NFIA: variants seen among roughly 807,000 people sequenced by gnomAD.
The protein encoded by NFIA is nuclear factor I A.
A neutral mutation model predicts 62.8 loss-of-function variants in NFIA; 8 were observed. The ratio of observed to expected loss-of-function variants is 0.13; its 90% CI spans 0.07 to 0.23. The LOEUF (loss-of-function observed/expected upper bound fraction) is 0.23. NFIA is among the 10% of genes least tolerant of loss of function. The pLI is 1.00. For missense variants in NFIA, 410 were observed against 642.1 expected (o/e 0.64, Z 3.91); for synonymous variants, 235 against 238.1 (o/e 0.99, Z 0.12).
At chr1:61,304,712 C>T (rs747024016) in intron 3 of NFIA, among the ~76,000 whole-genome samples, 4 of 151,964 alleles carry the variant, frequency 2.6e-5, no homozygotes, top group African/African-American at 9.7e-5. Flanking sequence ...CCCCTGGTCC[C>T]CCAAAATTTT....
chr1:61,096,544 G>GTTTTTTTT (rs1570141914), intron 2 of NFIA, among the ~76,000 whole-genome samples: 12 of 121,904 alleles, frequency 9.8e-5, no homozygotes, highest in African/African-American at 3.4e-4. Context: ...GTCAAGATTA[G>GTTTTTTTT]TTCTTTTTTT....
At chr1:61,410,010 C>G (rs1209562704) in intron 9 of NFIA, among the ~76,000 whole-genome samples, 1 of 152,136 alleles carries the variant, frequency 6.6e-6, no homozygotes, top group African/African-American at 2.4e-5. Flanking sequence ...ATTCAGCCTG[C>G]ACCTATCAGG....
intron 10 of NFIA, among the ~76,000 whole-genome samples, chr1:61,441,292 GGTGTGTGTGTGTGTGTGTGT>G (rs763246425): frequency 2.9e-5 from 4 of 139,466 alleles, no homozygotes; most frequent in Admixed American, 1.4e-4. Flanking sequence ...GCCGTGCAGG[GGTGTGTGTGTGTGTGTGTGT>G]GTGTGTGTGT....
chr1:61,455,386 C>T lies in NFIA; in HGVS notation c.*66C>T, dbSNP rs188788064. 7.1e-5 allele frequency: 114 copies of T among 1,613,680 alleles called. No individual in the cohort carries two copies. The highest frequency in any genetic ancestry group is 4.9e-4 in the Middle Eastern group (3 of 6,062). On this transcript the variant is annotated 3_prime_UTR_variant, in exon 11 of 11. Coordinates refer to ENST00000403491, the MANE Select transcript of NFIA (RefSeq NM_001134673.4). ...CCCCTTCTCAACTCTGTAACATGGACGCAACCTCAACCCAGCGCAGTTACA... is the reference window on the plus strand; with the variant it reads ...CCCCTTCTCAACTCTGTAACATGGATGCAACCTCAACCCAGCGCAGTTACA...
intron 2 of NFIA, among the ~76,000 whole-genome samples, chr1:61,089,847 A>G (rs1277205527): frequency 6.6e-6 from 1 of 152,112 alleles, no homozygotes; most frequent in Non-Finnish European, 1.5e-5. Flanking sequence ...TATATGTTTT[A>G]GAAAGAGAAC....
At chr1:61,283,162 A>G (rs549174799) in intron 3 of NFIA, among the ~76,000 whole-genome samples, 2 of 152,362 alleles carry the variant, frequency 1.3e-5, no homozygotes, top group East Asian at 1.9e-4. Context: ...TAGGTGAACA[A>G]GGAATGTACT....
chr1:61,159,592 G>A (rs1649039312), intron 2 of NFIA, among the ~76,000 whole-genome samples: 1 of 151,172 alleles, frequency 6.6e-6, no homozygotes, highest in Admixed American at 6.6e-5. Flanking sequence ...CTGCATCTCA[G>A]TTTCCTAATC....
chr1:61,420,063 T>G (rs1457745433), intron 9 of NFIA, among the ~76,000 whole-genome samples: 2 of 152,200 alleles, frequency 1.3e-5, no homozygotes, highest in African/African-American at 4.8e-5. Context: ...TTCCATCATG[T>G]GGGGGTTTCT....
intron 9 of NFIA, among the ~76,000 whole-genome samples, chr1:61,416,662 A>C (rs925099448): frequency 1.3e-5 from 2 of 152,182 alleles, no homozygotes. Flanking sequence ...TTTTAAATGA[A>C]AAGAAAAAGA....
intron 2 of NFIA, among the ~76,000 whole-genome samples, chr1:61,260,903 C>G (rs755053640): frequency 1.1e-4 from 17 of 152,302 alleles, no homozygotes; most frequent in Non-Finnish European, 1.9e-4. Context: ...AGAGTTTCCA[C>G]TTCCTTGGTT....
Position 61,155,863 on chromosome 1 carries a change from G to A in NFIA, c.559+67183G>A, listed in dbSNP as rs576707976. Among the ~76,000 whole-genome samples the A allele has an allele frequency of 3.9e-5, 6 of 152,178 alleles. No homozygotes were observed. The South Asian group carries it at 6.2e-4, about 16-fold the overall frequency. ...TAAGAATTAAAAACCTTGGCTGGGCGCGGTGGCTCACGCCTGTAATCGCAG... is the reference window on the plus strand; with the variant it reads ...TAAGAATTAAAAACCTTGGCTGGGCACGGTGGCTCACGCCTGTAATCGCAG... On this transcript the variant is annotated intron_variant, in intron 2 of 10. Coordinates refer to ENST00000403491, the MANE Select transcript of NFIA (RefSeq NM_001134673.4).
At chr1:61,176,594 T>C (rs1650363178) in intron 2 of NFIA, among the ~76,000 whole-genome samples, 1 of 152,094 alleles carries the variant, frequency 6.6e-6, no homozygotes, top group African/African-American at 2.4e-5. Flanking sequence ...TCTTTCTTAT[T>C]ATAAATGAGT....
intron 10 of NFIA, among the ~76,000 whole-genome samples, chr1:61,428,460 GAC>G (rs1666965155): frequency 6.8e-6 from 1 of 147,756 alleles, no homozygotes; most frequent in Non-Finnish European, 1.5e-5. Context: ...TTACCATAGT[GAC>G]ACCTGCCACA....
chr1:61,151,273 G>C (rs151063834), intron 2 of NFIA, among the ~76,000 whole-genome samples: 1 of 151,956 alleles, frequency 6.6e-6, no homozygotes. Flanking sequence ...CCAGTGGCAC[G>C]ATCTCAGCTC....
intron 2 of NFIA, among the ~76,000 whole-genome samples, chr1:61,172,808 A>G (rs1026614079): frequency 1.3e-5 from 2 of 152,220 alleles, no homozygotes; most frequent in African/African-American, 4.8e-5. Context: ...TTGTTTCAAG[A>G]ATCAGAACAT....
At chr1:61,284,888 CTTAT>C (rs775433531) in intron 3 of NFIA, among the ~76,000 whole-genome samples, 2,643 of 152,214 alleles carry the variant, frequency 0.017, 60 homozygotes, top group Non-Finnish European at 0.021. Flanking sequence ...GCCTCTGACT[CTTAT>C]CCCAGGAGAG....
chr1:61,149,692 T>TGTCTGTACTGCTGA (rs1311431833), intron 2 of NFIA, among the ~76,000 whole-genome samples: 2 of 152,200 alleles, frequency 1.3e-5, no homozygotes, highest in Admixed American at 1.3e-4. Flanking sequence ...CTGTGTGACT[T>TGTCTGTACTGCTGA]TGGGCAAGTA....
intron 7 of NFIA, among the ~76,000 whole-genome samples, chr1:61,399,301 A>G (rs528353343): frequency 1.3e-5 from 2 of 152,338 alleles, no homozygotes; most frequent in East Asian, 3.9e-4. Flanking sequence ...AGAAGCCTGT[A>G]TATAACACTG....
At chr1:61,222,335 C>T (rs986796958) in intron 2 of NFIA, among the ~76,000 whole-genome samples, 4 of 152,002 alleles carry the variant, frequency 2.6e-5, no homozygotes, top group East Asian at 1.9e-4. Flanking sequence ...CTAAGGTTTC[C>T]GTTATACCGT....
Sources: gnomAD v4.1 joint callset for allele counts (sites outside exome capture counted in the v4.1 genomes callset) on GRCh38, gnomAD v4.1.1 for gene constraint, MANE v1.5 for transcripts, NCBI Gene and HGNC (gene_info 2026-07-23, HGNC 2026-07-21) for gene names.